The following XPC variants were observed in gnomAD, a reference collection of about 807,000 sequenced individuals.
XPC encodes the protein DNA repair protein complementing XP-C cells.
XPC carries 76 observed loss-of-function variants against 95.8 expected under a neutral mutation model. The observed-to-expected ratio is 0.79, with a 90% CI of 0.66 to 0.96. XPC has a LOEUF of 0.96. Ranked by LOEUF, XPC falls within the 40% of genes least tolerant of loss-of-function variation. The pLI is 0.00. For synonymous variants in XPC, 442 were observed against 442.1 expected (o/e 1.00, Z 0.00); for missense variants, 1,146 against 1,179.8 (o/e 0.97, Z 0.42).
chr3:14,163,462 T>C (rs1174747318), intron 7 of XPC, among the ~76,000 whole-genome samples: 13 of 152,114 alleles, frequency 8.5e-5, no homozygotes, highest in Admixed American at 8.5e-4. Context: ...TGCAGATGAA[T>C]CTTGAAAACA....
At position 14,164,828 on chromosome 3, in the gene XPC, A is replaced by C. The variant is rs796070665; in HGVS notation, c.885T>G (p.Asp295Glu). Residue 295 changes from aspartate to glutamate, a missense_variant, in exon 7 of 16, where the codon GAT (aspartate) becomes GAG (glutamate). Physicochemically the swap from Asp to Glu is conservative, Grantham distance 45. Transcript: ENST00000285021. ...RRFAIYSARD[D>E]EELVHIFLLI... ...GATCACTTACATGGACCAATTCCTC[A>C]TCATCTCGAGCAGAGTAAATAGCAA... is the stretch of plus-strand genomic sequence containing the variant. The C allele has an allele frequency of 6.2e-7, 1 of 1,613,394 alleles. No individual in the cohort carries two copies. Among genetic ancestry groups the C allele is most frequent in the Non-Finnish European group, 8.5e-7 (1 of 1,179,660 alleles).
chr3:14,147,059 G>A (rs1168693855), intron 15 of XPC, among the ~76,000 whole-genome samples: 1 of 152,188 alleles, frequency 6.6e-6, no homozygotes, highest in Non-Finnish European at 1.5e-5. Flanking sequence ...CAGTAGAAAC[G>A]GGGACACTGG....
At chr3:14,152,241 G>T in intron 11 of XPC, 94 bp downstream of exon 11, 1 of 1,061,900 alleles carries the variant, frequency 9.4e-7, no homozygotes, top group Non-Finnish European at 1.4e-6. Context: ...GGGCAGGACT[G>T]GGAGGCTCAT....
In XPC at chr3:14,168,138, G is replaced by A. The variant is rs991255715; in HGVS notation, c.536+119C>T. On this transcript the variant is annotated intron_variant, in intron 4 of 15. Transcript: ENST00000285021. The stretch of plus-strand genomic sequence containing the variant: ...AGGTAAATCAGGTTCCTGACCCAAG[G>A]TTCTCGACCACTTTGATACTCAGTC... The A allele has an allele frequency of 5.1e-6, 7 of 1,368,980 alleles. No individual in the cohort carries two copies. The African/African-American group carries it at 1.0e-4, about 20-fold the overall frequency. 84.8% of individuals were successfully genotyped at this position (1,368,980 alleles called of 1,614,324 possible).
chr3:14,156,398 T>G lies in XPC; in HGVS notation c.1970A>C (p.Glu657Ala). The G allele has an allele frequency of 6.2e-7, 1 of 1,613,926 alleles. No homozygotes were observed. The highest frequency in any genetic ancestry group is 1.3e-5 in the African/African-American group (1 of 75,040). ...YALKRHLLKYEAIYPETAAIL... is the reference protein window; with the variant it reads ...YALKRHLLKYAAIYPETAAIL... ...GGCAGCTGTCTCGGGATAGATGGCCTCATATTTCAGGAGATGCCGCTTCAG... is the reference window on the plus strand; with the variant it reads ...GGCAGCTGTCTCGGGATAGATGGCCGCATATTTCAGGAGATGCCGCTTCAG... The change falls in exon 10 of 16, where the codon GAG (glutamate) becomes GCG (alanine). Residue 657 changes from glutamate (E) to alanine (A), a missense_variant. Transcript: ENST00000285021.
At position 14,168,633 on chromosome 3, in the gene XPC, T is replaced by C. The variant is rs559685285; in HGVS notation, c.413-253A>G. ...GTCTTTAGATAAAGAACCTAAAGCA[T>C]AGAGATACTGGGTTGAATCAGATAC... On this transcript the variant is annotated intron_variant, in intron 3 of 15. Transcript: ENST00000285021. 1.8e-4 allele frequency among the ~76,000 whole-genome samples: 28 copies of C among 151,914 alleles called. No individual in the cohort carries two copies. The South Asian group carries it at 3.1e-3, about 17-fold the overall frequency.
intron 11 of XPC, among the ~76,000 whole-genome samples, chr3:14,150,954 A>G (rs1695664032): frequency 6.6e-6 from 1 of 152,186 alleles, no homozygotes; most frequent in Non-Finnish European, 1.5e-5. Flanking sequence ...GGCGCTGGCC[A>G]AGGTGGGACA....
At chr3:14,165,053 T>C (rs1696320158) in intron 6 of XPC, 120 bp from the exon 7 acceptor site, 1 of 1,405,572 alleles carries the variant, frequency 7.1e-7, no homozygotes, top group African/African-American at 1.4e-5. Context: ...TGTCCTACTT[T>C]CCCCAGCCCG....
At chr3:14,160,411 T>C (rs1255970064) in intron 7 of XPC, among the ~76,000 whole-genome samples, 1 of 152,216 alleles carries the variant, frequency 6.6e-6, no homozygotes, top group Non-Finnish European at 1.5e-5. Context: ...TCAGGGGACT[T>C]AACTCCAATG....
rs540635820 is a variant in XPC, at chr3:14,170,508, T to C, written c.342A>G (p.Arg114=). ...TGCTGTCTTCATTCATGGTAGCCCC[T>C]CTCTTCAGATGGTGTGCCTTCTTGA... ...SDLKKAHHLK[R]GATMNEDSNE... Residue 114 remains arginine (R), a synonymous_variant, in exon 3 of 16, where the codon AGA becomes AGG. Transcript: ENST00000285021. The C allele has an allele frequency of 5.0e-6, 8 of 1,613,732 alleles. No individual in the cohort carries two copies. Among genetic ancestry groups the C allele is most frequent in the South Asian group, 1.1e-5 (1 of 91,048 alleles).
At chr3:14,167,115 C>A in intron 5 of XPC, 54 bp downstream of exon 5, 1 of 1,476,458 alleles carries the variant, frequency 6.8e-7, no homozygotes, top group Non-Finnish European at 9.1e-7. Context: ...TCGGTGAGCA[C>A]AAGCTCTTTG....
Position 14,159,777 on chromosome 3 carries a change from A to G in XPC, c.954T>C (p.Ser318=). Residue 318 remains serine (S), a synonymous_variant, in exon 8 of 16, where the codon TCT becomes TCC. Coordinates refer to ENST00000285021, the MANE Select transcript of XPC (RefSeq NM_004628.5). ...ALQLLTRLVL[S]LQPIPLKSAT... Reference sequence around the variant, plus strand: ...CTGACTTCAGAGGAATTGGCTGTAGAGACAATACCAGCCGGGTCAAGAGCT... The same window carrying G: ...CTGACTTCAGAGGAATTGGCTGTAGGGACAATACCAGCCGGGTCAAGAGCT... 6.4e-7 allele frequency: 1 copy of G among 1,563,284 alleles called. No individual in the cohort carries two copies. The highest frequency in any genetic ancestry group is 8.7e-7 in the Non-Finnish European group (1 of 1,153,484).
At chr3:14,178,145 GTCT>G (rs1696911500) in intron 1 of XPC, among the ~76,000 whole-genome samples, 2 of 152,190 alleles carry the variant, frequency 1.3e-5, no homozygotes, top group African/African-American at 4.8e-5. Flanking sequence ...TGGTCCGTCC[GTCT>G]GTCTTCCTGG....
rs1378048668 is a variant in XPC at position 14,156,408 on chromosome 3, G to A, written c.1960C>T (p.Leu654=). The A allele has an allele frequency of 5.6e-6, 9 of 1,614,014 alleles. No individual in the cohort carries two copies. In the South Asian group the frequency reaches 9.9e-5, roughly 18 times the overall value. Reference sequence around the variant, plus strand: ...TCGGGATAGATGGCCTCATATTTCAGGAGATGCCGCTTCAGGGCATACAGA... The same window carrying A: ...TCGGGATAGATGGCCTCATATTTCAAGAGATGCCGCTTCAGGGCATACAGA... ...HPLYALKRHL[L]KYEAIYPETA... is the part of the protein sequence containing the mutation. The change falls in exon 10 of 16, where the codon CTG becomes TTG. Residue 654 remains leucine, a synonymous_variant. Coordinates refer to ENST00000285021, the MANE Select transcript of XPC (RefSeq NM_004628.5).
At position 14,145,620 on chromosome 3, in the gene XPC, A is replaced by G. The variant is rs766852590; in HGVS notation, c.*321T>C. 11 of 699,308 alleles carry G rather than the reference A, an allele frequency of 1.6e-5. No homozygotes were observed. The South Asian group carries it at 1.6e-4, about 10-fold the overall frequency. 43.3% of individuals were successfully genotyped at this position (699,308 alleles called of 1,614,324 possible). On this transcript the variant is annotated 3_prime_UTR_variant, in exon 16 of 16. Coordinates refer to ENST00000285021, the MANE Select transcript of XPC (RefSeq NM_004628.5). ...CATACAAAAACTGATGTTTCTAAAG[A>G]TGGAAAGAACAGGTCTAGGAGGCAG...
Position 14,147,215 on chromosome 3 carries a change from G to A in XPC, c.2604+75C>T, listed in dbSNP as rs1695474748. ...TGACTTGAGGCTGGGGCAGAATCTGGGCCAGGCCTTTCTGAGCTGCATCTC... is the reference window on the plus strand; with the variant it reads ...TGACTTGAGGCTGGGGCAGAATCTGAGCCAGGCCTTTCTGAGCTGCATCTC... On this transcript the variant is annotated intron_variant, in intron 15 of 15. Coordinates refer to ENST00000285021, the MANE Select transcript of XPC (RefSeq NM_004628.5). 2.7e-6 allele frequency: 4 copies of A among 1,469,304 alleles called. No individual in the cohort carries two copies. The South Asian group carries it at 3.7e-5, about 14-fold the overall frequency. The allele number at this position is 1,469,304 out of a possible 1,614,324, so 91.0% of individuals were successfully genotyped here.
Position 14,145,400 on chromosome 3 carries a change from C to G in XPC, c.*541G>C. The stretch of plus-strand genomic sequence containing the variant: ...CAGATGACCTGTACTTCTCTGCTCT[C>G]TCCCCTACTGCAAAGAGGCAGTGAG... On this transcript the variant is annotated 3_prime_UTR_variant, in exon 16 of 16. Coordinates refer to ENST00000285021, the MANE Select transcript of XPC (RefSeq NM_004628.5). The G allele has an allele frequency of 1.4e-6, 1 of 699,452 alleles. No homozygotes were observed. Among genetic ancestry groups the G allele is most frequent in the Non-Finnish European group, 2.6e-6 (1 of 384,190 alleles). 43.3% of individuals were successfully genotyped at this position (699,452 alleles called of 1,614,324 possible). A position where few individuals can be genotyped will look rare whatever the true frequency, so the allele number is the denominator to read the frequency against.
chr3:14,164,697 T>G (rs1254903843), intron 7 of XPC, 116 bp downstream of exon 7: 2 of 1,071,100 alleles, frequency 1.9e-6, no homozygotes, highest in Admixed American at 5.6e-5. Context: ...AACGTCATTA[T>G]GAGGACTGAA....
At chr3:14,156,994 A>C (rs1695941327) in intron 9 of XPC, among the ~76,000 whole-genome samples, 1 of 152,136 alleles carries the variant, frequency 6.6e-6, no homozygotes, top group Non-Finnish European at 1.5e-5. Context: ...TAGGCAATTC[A>C]CTGCTGTAAG....
Sources: allele counts gnomAD v4.1 joint callset (sites outside exome capture counted in the v4.1 genomes callset), GRCh38; gene constraint gnomAD v4.1.1; transcripts MANE v1.5; gene names NCBI Gene and HGNC (gene_info 2026-07-23, HGNC 2026-07-21).